Variants in FAM13B observed in about 807,000 individuals in gnomAD.
FAM13B encodes family with sequence similarity 13 member B.
FAM13B carries 60 observed loss-of-function variants against 117.3 expected under a neutral mutation model. The ratio of observed to expected loss-of-function variants is 0.51; its 90% CI spans 0.42 to 0.63. FAM13B has a LOEUF of 0.63. Ranked by LOEUF, FAM13B falls within the 30% of genes least tolerant of loss-of-function variation. FAM13B has a pLI of 0.00. For synonymous variants in FAM13B, 332 were observed against 356.1 expected, an observed-to-expected ratio of 0.93 and a Z score of 0.76; for missense variants, 972 against 1,091.9, an observed-to-expected ratio of 0.89 and a Z score of 1.55.
chr5:138,037,045 C>A (rs1209065156), upstream of FAM13B: 3 of 159,924 alleles, frequency 1.9e-5, no homozygotes, highest in Admixed American at 1.8e-4. Flanking sequence ...GAATACCTCA[C>A]TAAAAGAATA....
upstream of FAM13B, chr5:138,036,286 C>CTCA (rs1465555036): frequency 2.6e-6 from 1 of 383,900 alleles, no homozygotes; most frequent in Non-Finnish European, 5.2e-6. Context: ...GAGCTTTTTT[C>CTCA]TCATGGTGCT....
At chr5:138,036,516 A>C (rs552676562), upstream of FAM13B, 91 of 456,752 alleles carry the variant, frequency 2.0e-4, no homozygotes, top group African/African-American at 1.7e-3. Flanking sequence ...TGCTCTGAGC[A>C]GATCCATTGA....
At chr5:137,946,768 T>C (rs1395497246) in intron 18 of FAM13B, among the ~76,000 whole-genome samples, 2 of 152,220 alleles carry the variant, frequency 1.3e-5, no homozygotes, top group Non-Finnish European at 2.9e-5. Context: ...GGCATTTTAT[T>C]GGCATTAAGA....
In FAM13B at chr5:138,011,805, T is replaced by C. The variant is rs775994826; in HGVS notation, c.511A>G (p.Asn171Asp). Residue 171 changes from asparagine (N) to aspartate (D), a missense_variant, in exon 5 of 24, where the codon AAT (asparagine) becomes GAT (aspartate). By Grantham distance (23) the Asn-to-Asp change is conservative. Coordinates refer to ENST00000689681, the MANE Select transcript of FAM13B (RefSeq NM_001385994.1). ...GGACCAAAGACAGCAGCCAAAGAAT[T>C]TGCGGACCAAATTTCTTCATGATGT... Reference protein sequence around the residue: ...ASHHEEIWSANSLAAVFGPDV... With the variant: ...ASHHEEIWSADSLAAVFGPDV... 35 of 1,612,140 alleles carry C rather than the reference T, an allele frequency of 2.2e-5. No homozygotes were observed. Among genetic ancestry groups the C allele is most frequent in the Non-Finnish European group, 2.7e-5 (32 of 1,179,378 alleles).
chr5:138,010,576 T>C (rs1002190045), intron 6 of FAM13B, among the ~76,000 whole-genome samples: 5 of 152,210 alleles, frequency 3.3e-5, no homozygotes, highest in Admixed American at 2.0e-4. Context: ...TTAGTGACAA[T>C]TATACTATTG....
intron 2 of FAM13B, chr5:138,020,679 A>T (rs1225607813): frequency 6.5e-6 from 1 of 153,584 alleles, no homozygotes; most frequent in African/African-American, 2.4e-5. Flanking sequence ...CTAGAAAAAC[A>T]ATTTCTTTCT....
In FAM13B at chr5:138,001,826, T is replaced by C. The variant is rs928564262; in HGVS notation, c.848+5164A>G. Among the ~76,000 whole-genome samples, 8 of 152,256 alleles carry C rather than the reference T, an allele frequency of 5.3e-5. No homozygotes were observed. In the East Asian group the frequency reaches 7.7e-4, roughly 15 times the overall value. ...CTATCTAGTGGCACATCTATCCATA[T>C]AGAAGAACAGTCCAGTGCAAAGGCT... On this transcript the variant is annotated intron_variant, in intron 7 of 23. Coordinates refer to ENST00000689681, the MANE Select transcript of FAM13B (RefSeq NM_001385994.1).
chr5:137,985,537 G>A, intron 9 of FAM13B, 148 bp from the exon 10 acceptor site: 1 of 754,862 alleles, frequency 1.3e-6, no homozygotes, highest in Non-Finnish European at 2.1e-6. Context: ...CTTTTATCTT[G>A]CTAAATTAGA....
chr5:137,998,769 C>T (rs1391674633), intron 7 of FAM13B, among the ~76,000 whole-genome samples: 1 of 152,220 alleles, frequency 6.6e-6, no homozygotes, highest in Non-Finnish European at 1.5e-5. Flanking sequence ...GATTACAGAA[C>T]TCAGTGAAGC....
chr5:138,017,765 T>C (rs532384086), intron 4 of FAM13B, among the ~76,000 whole-genome samples: 3 of 152,334 alleles, frequency 2.0e-5, no homozygotes, highest in Admixed American at 1.3e-4. Context: ...AAGATACATC[T>C]TTTTTTGTTT....
rs1305701892 is a variant in FAM13B at position 137,942,739 on chromosome 5, A to G, written c.2588+136T>C. On this transcript the variant is annotated intron_variant, in intron 22 of 23. Transcript: ENST00000689681. ...ATGACAATAAATATTTGCAAATCAC[A>G]CTTGAAAAGCATGTGTCCTTTGATA... is the stretch of plus-strand genomic sequence containing the variant. The G allele has an allele frequency of 6.0e-6, 4 of 662,390 alleles. No homozygotes were observed. In the East Asian group the frequency reaches 1.2e-4, roughly 20 times the overall value. The allele number at this position is 662,390 out of a possible 1,614,324, so 41.0% of individuals were successfully genotyped here. A position where few individuals can be genotyped will look rare whatever the true frequency, so the allele number is the denominator to read the frequency against.
chr5:137,971,059 GA>G (rs1159175224), intron 10 of FAM13B, among the ~76,000 whole-genome samples: 1 of 151,818 alleles, frequency 6.6e-6, no homozygotes, highest in Admixed American at 6.6e-5. Flanking sequence ...CAACGAGACA[GA>G]AAGTTAACAA....
At chr5:138,026,904 A>C (rs1375139172) in intron 1 of FAM13B, among the ~76,000 whole-genome samples, 1 of 151,182 alleles carries the variant, frequency 6.6e-6, no homozygotes, top group Non-Finnish European at 1.5e-5. Context: ...GCGCCATTGC[A>C]CTCCAGCCTG....
intron 1 of FAM13B, among the ~76,000 whole-genome samples, chr5:138,046,134 G>A (rs1438400804): frequency 6.6e-6 from 1 of 152,118 alleles, no homozygotes; most frequent in African/African-American, 2.4e-5. Flanking sequence ...TTTATAAGGT[G>A]GAGTTTCTCT....
intron 5 of FAM13B, 61 bp downstream of exon 5, chr5:138,011,707 C>T (rs979177488): frequency 3.2e-5 from 40 of 1,265,658 alleles, no homozygotes; most frequent in Non-Finnish European, 3.7e-5. Flanking sequence ...CATGAGCCAC[C>T]GTGCCCGGCC....
intron 10 of FAM13B, among the ~76,000 whole-genome samples, chr5:137,972,794 C>G (rs1399656264): frequency 6.6e-6 from 1 of 152,162 alleles, no homozygotes; most frequent in Non-Finnish European, 1.5e-5. Context: ...ACAAAAATCA[C>G]AAGCTTTCTT....
chr5:138,004,074 G>A (rs887622960), intron 7 of FAM13B, among the ~76,000 whole-genome samples: 11 of 152,024 alleles, frequency 7.2e-5, no homozygotes, highest in African/African-American at 2.7e-4. Context: ...TTTGAGACCA[G>A]CCTGGCCAAC....
intron 18 of FAM13B, among the ~76,000 whole-genome samples, chr5:137,948,524 C>T (rs1352445270): frequency 1.3e-5 from 2 of 152,182 alleles, no homozygotes; most frequent in African/African-American, 4.8e-5. Flanking sequence ...TTCCAAGTAA[C>T]TGGAACTACA....
At chr5:138,048,778 C>G (rs1210574301) in intron 1 of FAM13B, among the ~76,000 whole-genome samples, 1 of 152,068 alleles carries the variant, frequency 6.6e-6, no homozygotes, top group Non-Finnish European at 1.5e-5. Flanking sequence ...ATTACATGCT[C>G]TTTCTCATAT....
Sources: allele counts gnomAD v4.1 joint callset (sites outside exome capture counted in the v4.1 genomes callset), GRCh38; gene constraint gnomAD v4.1.1; transcripts MANE v1.5; gene names NCBI Gene and HGNC (gene_info 2026-07-23, HGNC 2026-07-21).